The following LAMA5 variants were observed in gnomAD, a reference collection of about 807,000 sequenced individuals.
The protein encoded by LAMA5 is laminin subunit alpha 5.
Under a neutral mutation model 433.4 loss-of-function variants are expected in LAMA5, and 260 were observed. The observed-to-expected ratio is 0.60, with a 90% confidence interval of 0.54 to 0.66. The LOEUF is 0.66. LAMA5 is among the 30% of genes least tolerant of loss of function. The pLI is 0.00. For missense variants in LAMA5, 5,378 were observed against 5,258.5 expected (o/e 1.02, Z -0.70); for synonymous variants, 2,620 against 2,226.6 (o/e 1.18, Z -4.97).
In LAMA5 at chr20:62,327,355, G is replaced by A; in HGVS notation, c.4990C>T (p.Pro1664Ser). 1 of 1,600,646 alleles carries A rather than the reference G, an allele frequency of 6.2e-7. No homozygotes were observed. Among genetic ancestry groups the A allele is most frequent in the East Asian group, 2.2e-5 (1 of 44,790 alleles). The change falls in exon 38 of 80, where the codon CCC becomes TCC. Residue 1664 changes from proline (P) to serine (S), a missense_variant. Transcript: ENST00000252999. ...VLLSTDRQVV[P>S]HERQPGTEML... ...TCCGTCCCTGGCTGCCGCTCGTGGG[G>A]CACCACCTGCCGGTCAGTGCTCAGC...
chr20:62,317,381 G>T lies in LAMA5; in HGVS notation c.7475C>A (p.Ala2492Glu). 1 of 1,609,850 alleles carries T rather than the reference G, an allele frequency of 6.2e-7. No homozygotes were observed. ...GAGTGCCAGCTGGCCCAGCTGCTGTGCGTGGGCCTCGGCGGCCTCCACTAG... is the reference window on the plus strand; with the variant it reads ...GAGTGCCAGCTGGCCCAGCTGCTGTTCGTGGGCCTCGGCGGCCTCCACTAG... ...LRLVEAAEAH[A>E]QQLGQLALNL... The change falls in exon 55 of 80, where the codon GCA becomes GAA. Residue 2492 changes from alanine (A) to glutamate (E), a missense_variant. Ala to Glu is a moderately radical substitution (Grantham distance 107, BLOSUM62 -1). Coordinates refer to ENST00000252999, the MANE Select transcript of LAMA5 (RefSeq NM_005560.6).
At chr20:62,347,508 C>T (rs574452937) in intron 6 of LAMA5, among the ~76,000 whole-genome samples, 2 of 152,302 alleles carry the variant, frequency 1.3e-5, no homozygotes, top group East Asian at 1.9e-4. Flanking sequence ...TTTGCACCCC[C>T]CAAGGCTCAG....
At position 62,336,372 on chromosome 20, in the gene LAMA5, C is replaced by T. The variant is rs1340369579; in HGVS notation, c.2291G>A (p.Gly764Glu). 1.2e-6 allele frequency: 2 copies of T among 1,612,180 alleles called. No individual in the cohort carries two copies. The highest frequency in any genetic ancestry group is 1.7e-5 in the Admixed American group (1 of 59,956). The change falls in exon 18 of 80, where the codon GGA becomes GAA. Residue 764 changes from glycine (G) to glutamate (E), a missense_variant. Physicochemically the swap from Gly to Glu is moderately conservative, Grantham distance 98 (BLOSUM62 -2). Coordinates refer to ENST00000252999, the MANE Select transcript of LAMA5 (RefSeq NM_005560.6). ...SCDRCKPGFW[G>E]LSPSNPEGCT... Reference sequence around the variant, plus strand: ...GCCCTCGGGGTTGCTGGGGCTCAGTCCCCAGAACCCAGGTTTGCAGCGGTC... The same window carrying T: ...GCCCTCGGGGTTGCTGGGGCTCAGTTCCCAGAACCCAGGTTTGCAGCGGTC...
intron 57 of LAMA5, 198 bp from the exon 58 acceptor site, chr20:62,316,256 G>A (rs1986919024): frequency 1.0e-5 from 6 of 596,286 alleles, no homozygotes; most frequent in African/African-American, 3.7e-5. Context: ...GAAGGCCTCT[G>A]GTCCCACTGC....
intron 50 of LAMA5, 77 bp from the exon 51 acceptor site, chr20:62,319,872 G>A (rs897058012): frequency 1.2e-5 from 14 of 1,170,166 alleles, no homozygotes; most frequent in East Asian, 2.6e-5. Flanking sequence ...TGGGGTCTGG[G>A]GGAGCGCCGA....
At chr20:62,330,201 C>T (rs1372464577) in intron 31 of LAMA5, among the ~76,000 whole-genome samples, 1 of 152,264 alleles carries the variant, frequency 6.6e-6, no homozygotes, top group Non-Finnish European at 1.5e-5. Context: ...CACAGGGCCA[C>T]ATGTGCTGCC....
chr20:62,366,490 A>C (rs1331055495), intron 1 of LAMA5, among the ~76,000 whole-genome samples: 1 of 152,160 alleles, frequency 6.6e-6, no homozygotes, highest in African/African-American at 2.4e-5. Flanking sequence ...GACTCCTCCG[A>C]GAGGGGCTAG....
intron 3 of LAMA5, 34 bp from the exon 4 acceptor site, chr20:62,352,394 T>C (rs1487111707): frequency 4.5e-6 from 7 of 1,550,708 alleles, no homozygotes; most frequent in Non-Finnish European, 6.1e-6. Flanking sequence ...GGGCGCTGGA[T>C]CACCAGAAAA....
Position 62,310,941 on chromosome 20 carries a change from G to T in LAMA5, c.10242C>A (p.Ala3414=). 6.2e-7 allele frequency: 1 copy of T among 1,611,162 alleles called. No individual in the cohort carries two copies. Among genetic ancestry groups the T allele is most frequent in the Non-Finnish European group, 8.5e-7 (1 of 1,179,518 alleles). Residue 3414 remains alanine (A), a synonymous_variant, in exon 74 of 80, where the codon GCC becomes GCA. Transcript: ENST00000252999. ...CAGGCCGGGAGCGCTGGCGGCTCTG[G>T]GCGCGGAGCCGAGTCCCGAGGCCTT... ...QMEGLGTRLR[A]QSRQRSRPGR... is the part of the protein sequence containing the mutation.
rs1981187702 is a variant in LAMA5 at position 62,334,594 on chromosome 20, A to G, written c.2510T>C (p.Leu837Pro). The change falls in exon 21 of 80, where the codon CTG becomes CCG. Residue 837 changes from leucine (L) to proline (P), a missense_variant. By Grantham distance (98) the Leu-to-Pro change is moderately conservative. Coordinates refer to ENST00000252999, the MANE Select transcript of LAMA5 (RefSeq NM_005560.6). ...CGTCCTCGGTTCACAGCTCTGGCCC[A>G]GTGCACCGCCAATGTCACACCGGCA... ...RSCRCDIGGA[L>P]GQSCEPRTGV... 5 of 1,548,036 alleles carry G rather than the reference A, an allele frequency of 3.2e-6. No homozygotes were observed. The highest frequency in any genetic ancestry group is 4.4e-6 in the Non-Finnish European group (5 of 1,146,728).
At chr20:62,320,426 A>G (rs1987555378) in intron 50 of LAMA5, 133 bp downstream of exon 50, 4 of 654,808 alleles carry the variant, frequency 6.1e-6, no homozygotes, top group Non-Finnish European at 1.1e-5. Context: ...AACCCCTAAG[A>G]CTCTCGAGCT....
intron 52 of LAMA5, 86 bp from the exon 53 acceptor site, chr20:62,318,736 A>G: frequency 1.3e-6 from 2 of 1,573,172 alleles, no homozygotes; most frequent in Admixed American, 3.5e-5. Flanking sequence ...CGCCAGATCC[A>G]TCTGCCCCGT....
At chr20:62,361,591 C>CG (rs1016016871) in intron 2 of LAMA5, among the ~76,000 whole-genome samples, 1 of 152,234 alleles carries the variant, frequency 6.6e-6, no homozygotes, top group Admixed American at 6.5e-5. Flanking sequence ...ACTGGGGCAG[C>CG]GGCGGAGCCG....
Position 62,318,439 on chromosome 20 carries a change from G to C in LAMA5, c.7239+15C>G, listed in dbSNP as rs1242004254. On this transcript the variant is annotated intron_variant, in intron 53 of 79. Coordinates refer to ENST00000252999, the MANE Select transcript of LAMA5 (RefSeq NM_005560.6). Reference sequence around the variant, plus strand: ...GGAAGAGGAGCAGGAGGAAGAACAAGTCCGGGGTCCTCACCAGGGCTTCCT... The same window carrying C: ...GGAAGAGGAGCAGGAGGAAGAACAACTCCGGGGTCCTCACCAGGGCTTCCT... 1 of 1,591,598 alleles carries C rather than the reference G, an allele frequency of 6.3e-7. No individual in the cohort carries two copies. Among genetic ancestry groups the C allele is most frequent in the Non-Finnish European group, 8.5e-7 (1 of 1,172,822 alleles).
chr20:62,335,202 G>T lies in LAMA5; in HGVS notation c.2376+15C>A. ...TGTGCCCCCAAATCCCCCACACCTT[G>T]GTCCTCAGACTCACCGGCTGGCACT... On this transcript the variant is annotated intron_variant, in intron 19 of 79. Transcript: ENST00000252999. The T allele has an allele frequency of 1.2e-6, 2 of 1,612,718 alleles. No homozygotes were observed. Among genetic ancestry groups the T allele is most frequent in the Non-Finnish European group, 1.7e-6 (2 of 1,179,522 alleles).
Position 62,328,938 on chromosome 20 carries a change from C to T in LAMA5, c.4353G>A (p.Glu1451=). Residue 1451 remains glutamate (E), a synonymous_variant, in exon 34 of 80, where the codon GAG becomes GAA. Transcript: ENST00000252999. ...GGCAGGGACACTGGCCCCCGAAGGG[C>T]TCACACGTGGGGCCTGTAGCACCTA... The part of the protein sequence containing the change: ...HEVGATGPTC[E]PFGGQCPCHA... The T allele has an allele frequency of 1.9e-6, 3 of 1,611,626 alleles. No individual in the cohort carries two copies. The highest frequency in any genetic ancestry group is 2.5e-6 in the Non-Finnish European group (3 of 1,179,108).
At chr20:62,317,052 G>A (rs762565741) in intron 55 of LAMA5, 29 bp from the exon 56 acceptor site, 2 of 1,508,768 alleles carry the variant, frequency 1.3e-6, no homozygotes, top group Admixed American at 2.2e-5. Context: ...TCGAAGGAGT[G>A]GGTAAGCGCA....
chr20:62,311,209 CA>C lies in LAMA5; in HGVS notation c.10040del (p.Leu3347ArgfsTer39), dbSNP rs1986232235. The C allele has an allele frequency of 6.2e-7, 1 of 1,610,086 alleles. No individual in the cohort carries two copies. The highest frequency in any genetic ancestry group is 8.5e-7 in the Non-Finnish European group (1 of 1,178,804). On this transcript the variant is annotated frameshift_variant, in exon 73 of 80. Coordinates refer to ENST00000252999, the MANE Select transcript of LAMA5 (RefSeq NM_005560.6). LOFTEE classifies it high-confidence loss of function. ...TRDSYQFGGSLSSHLEFVGIL... is the reference protein window; with the variant it reads ...TRDSYQFGGSXSSHLEFVGIL... Reference sequence around the variant, plus strand: ...TGCCCACAAACTCCAGGTGACTGGACAGGGAACCCCCAAACTGGTAGGAGTC... The same window carrying C: ...TGCCCACAAACTCCAGGTGACTGGACGGGAACCCCCAAACTGGTAGGAGTC...
At chr20:62,349,181 GA>G (rs1360239051) in intron 6 of LAMA5, among the ~76,000 whole-genome samples, 1 of 143,356 alleles carries the variant, frequency 7.0e-6, no homozygotes, top group Non-Finnish European at 1.5e-5. Flanking sequence ...TGAGGTGGGA[GA>G]ATGGCATGAA....
Sources: allele counts gnomAD v4.1 joint callset (sites outside exome capture counted in the v4.1 genomes callset), GRCh38; gene constraint gnomAD v4.1.1; transcripts MANE v1.5; gene names NCBI Gene and HGNC (gene_info 2026-07-23, HGNC 2026-07-21).